Variants in BEGAIN observed in about 807,000 individuals in gnomAD.
BEGAIN encodes the protein brain enriched guanylate kinase associated, also known as brain-enriched guanylate kinase-associated protein.
In BEGAIN, 19 loss-of-function variants were observed where a neutral mutation model predicts 35.8. That is an observed-to-expected ratio of 0.53 (90% CI 0.37 to 0.78). BEGAIN has a LOEUF of 0.78. BEGAIN is among the 30% of genes least tolerant of loss of function. BEGAIN has a pLI of 0.00. For missense variants in BEGAIN, 795 were observed against 853.6 expected, an observed-to-expected ratio of 0.93 and a Z score of 0.85; for synonymous variants, 462 against 388.6, an observed-to-expected ratio of 1.19 and a Z score of -2.22.
At chr14:100,553,006 AG>A (rs1264092047) in intron 2 of BEGAIN, among the ~76,000 whole-genome samples, 1 of 152,186 alleles carries the variant, frequency 6.6e-6, no homozygotes, top group Non-Finnish European at 1.5e-5. Context: ...AGATGACTCC[AG>A]GAGGCCTGGA....
Position 100,537,837 on chromosome 14 carries a change from G to T in BEGAIN, c.*132C>A. 1 of 1,337,984 alleles carries T rather than the reference G, an allele frequency of 7.5e-7. No individual in the cohort carries two copies. The highest frequency in any genetic ancestry group is 9.9e-7 in the Non-Finnish European group (1 of 1,014,698). The allele number at this position is 1,337,984 out of a possible 1,614,324, so 82.9% of individuals were successfully genotyped here. A position where few individuals can be genotyped will look rare whatever the true frequency, so the allele number is the denominator to read the frequency against. ...TACAGGGCTGGGGAGGAGAGGAGGT[G>T]CGGGGAGGAACAGACTCCTCGTTGT... On this transcript the variant is annotated 3_prime_UTR_variant, in exon 7 of 7. Coordinates refer to ENST00000554140, the MANE Select transcript of BEGAIN (RefSeq NM_001385089.1).
At chr14:100,564,212 G>T (rs2034511477) in intron 2 of BEGAIN, among the ~76,000 whole-genome samples, 1 of 151,998 alleles carries the variant, frequency 6.6e-6, no homozygotes, top group African/African-American at 2.4e-5. Flanking sequence ...TCGCCAGGTG[G>T]TCGTTCTAAA....
At chr14:100,554,394 C>T (rs891481524) in intron 2 of BEGAIN, among the ~76,000 whole-genome samples, 12 of 152,308 alleles carry the variant, frequency 7.9e-5, no homozygotes, top group Admixed American at 3.3e-4. Context: ...CTTCCCTCTT[C>T]GGTCGTGGCT....
chr14:100,553,454 A>G (rs541884771), intron 2 of BEGAIN, among the ~76,000 whole-genome samples: 2 of 152,230 alleles, frequency 1.3e-5, no homozygotes, highest in African/African-American at 4.8e-5. Flanking sequence ...GAAAAATGAC[A>G]GGACATTTTG....
chr14:100,542,456 C>T (rs535267490), intron 5 of BEGAIN, among the ~76,000 whole-genome samples: 12 of 152,332 alleles, frequency 7.9e-5, no homozygotes, highest in East Asian at 3.9e-4. Context: ...GCCGGCATGC[C>T]GGCCTTCACG....
chr14:100,541,969 C>T (rs555546072), intron 5 of BEGAIN, among the ~76,000 whole-genome samples: 10 of 152,312 alleles, frequency 6.6e-5, no homozygotes, highest in South Asian at 4.1e-4. Flanking sequence ...GCTCCGTCTG[C>T]GAGACACCAC....
chr14:100,539,199 G>A lies in BEGAIN; in HGVS notation c.609C>T (p.Ala203=). ...CGGGGTCCGGCTTCTCCAGCACCTT[G>A]GCAATGACGCAGGTGGGGACGCTGT... ...YADSVPTCVI[A]KVLEKPDPAS... is the part of the protein sequence containing the mutation. Residue 203 remains alanine, a synonymous_variant, in exon 7 of 7, where the codon GCC becomes GCT. Transcript: ENST00000554140. 1 of 1,582,664 alleles carries A rather than the reference G, an allele frequency of 6.3e-7. No homozygotes were observed. The highest frequency in any genetic ancestry group is 8.6e-7 in the Non-Finnish European group (1 of 1,163,140).
chr14:100,538,674 C>A lies in BEGAIN; in HGVS notation c.1134G>T (p.Pro378=), dbSNP rs761264640. ...AGCCTGGGGCCACTTCGGCCTCCAG[C>A]GGGGCCGCCACCGCGGCCGTGGCCT... The part of the protein sequence containing the change: ...FAKATAAVAA[P]LEAEVAPGFG... The change falls in exon 7 of 7, where the codon CCG becomes CCT. Residue 378 remains proline (P), a synonymous_variant. Transcript: ENST00000554140. 60 of 1,551,392 alleles carry A rather than the reference C, an allele frequency of 3.9e-5. No individual in the cohort carries two copies. Among genetic ancestry groups the A allele is most frequent in the Middle Eastern group, 3.3e-4 (2 of 5,972 alleles).
chr14:100,549,759 C>G (rs1010904254), intron 2 of BEGAIN: 1 of 152,372 alleles, frequency 6.6e-6, no homozygotes, highest in African/African-American at 2.4e-5. Flanking sequence ...GTGGGGCCAC[C>G]AGGCCACTGG....
In BEGAIN at chr14:100,540,410, A is replaced by T; in HGVS notation, c.492+86T>A. ...TCAGCTGGCATCTTCCTCCTCAAAG[A>T]TGGGAAATGGCTTTGGGGTAGCACT... On this transcript the variant is annotated intron_variant, in intron 6 of 6. Transcript: ENST00000554140. 3.9e-6 allele frequency: 4 copies of T among 1,033,344 alleles called. No individual in the cohort carries two copies. The South Asian group carries it at 5.5e-5, about 14-fold the overall frequency. 64.0% of individuals were successfully genotyped at this position (1,033,344 alleles called of 1,614,324 possible).
chr14:100,584,862 T>C (rs1456393101), intron 1 of BEGAIN, among the ~76,000 whole-genome samples: 3 of 152,018 alleles, frequency 2.0e-5, no homozygotes, highest in Non-Finnish European at 4.4e-5. Context: ...AAGAGAACCA[T>C]GCGGGGTGAT....
chr14:100,576,967 G>A (rs541156059), intron 1 of BEGAIN, among the ~76,000 whole-genome samples: 1 of 152,302 alleles, frequency 6.6e-6, no homozygotes, highest in African/African-American at 2.4e-5. Flanking sequence ...TGCCTGACAG[G>A]CCTATGGGAC....
At chr14:100,581,361 C>T (rs1426790212) in intron 1 of BEGAIN, among the ~76,000 whole-genome samples, 17 of 152,286 alleles carry the variant, frequency 1.1e-4, no homozygotes, top group Admixed American at 5.9e-4. Flanking sequence ...GGCTCTCAGG[C>T]GCCTGGGCCT....
At chr14:100,565,901 C>G (rs1024898045) in intron 2 of BEGAIN, among the ~76,000 whole-genome samples, 1 of 152,248 alleles carries the variant, frequency 6.6e-6, no homozygotes, top group Admixed American at 6.5e-5. Flanking sequence ...GACCCCAAAC[C>G]CTGTGCCCTT....
Position 100,539,189 on chromosome 14 carries a change from C to G in BEGAIN, c.619G>C (p.Glu207Gln). The G allele has an allele frequency of 6.3e-7, 1 of 1,581,450 alleles. No individual in the cohort carries two copies. The highest frequency in any genetic ancestry group is 1.2e-5 in the South Asian group (1 of 86,280). ...VPTCVIAKVL[E>Q]KPDPASLSSR... ...GACAGGCTGGCGGGGTCCGGCTTCT[C>G]CAGCACCTTGGCAATGACGCAGGTG... Residue 207 changes from glutamate (E) to glutamine (Q), a missense_variant, in exon 7 of 7, where the codon GAG becomes CAG. By Grantham distance (29) the Glu-to-Gln change is conservative. This residue lies in a region of BEGAIN where 664 missense variants were observed against 647.7 expected (regional missense o/e 1.03). Transcript: ENST00000554140.
rs2034414128 is a variant in BEGAIN at position 100,563,089 on chromosome 14, T to TC, written c.71+4821dup. 6.6e-6 allele frequency among the ~76,000 whole-genome samples: 1 copy of TC among 152,190 alleles called. No individual in the cohort carries two copies. Among genetic ancestry groups the TC allele is most frequent in the South Asian group, 2.1e-4 (1 of 4,834 alleles). ...TCAGGACCTTCGAGGCCACCTGCTC[T>TC]CCATCTGTCTCCATCCCTGGGACAT... On this transcript the variant is annotated intron_variant, in intron 2 of 6. Transcript: ENST00000554140. The surrounding 1 kb of genome is among the most constrained non-coding windows in gnomAD (Gnocchi z 4.2).
At position 100,539,244 on chromosome 14, in the gene BEGAIN, G is replaced by A; in HGVS notation, c.564C>T (p.Leu188=). 6.3e-7 allele frequency: 1 copy of A among 1,588,956 alleles called. No homozygotes were observed. The highest frequency in any genetic ancestry group is 2.2e-5 in the East Asian group (1 of 44,606). Residue 188 remains leucine (L), a synonymous_variant, in exon 7 of 7, where the codon CTC becomes CTT. Transcript: ENST00000554140. ...EKHGCSLPSP[L]CHPAYADSVP... is the part of the protein sequence containing the mutation. ...CGCTGTCGGCGTAGGCCGGGTGGCA[G>A]AGCGGGGATGGCAGGCTGCAGCCGT...
chr14:100,540,460 C>G, intron 6 of BEGAIN, 36 bp downstream of exon 6: 1 of 1,517,474 alleles, frequency 6.6e-7, no homozygotes, highest in South Asian at 1.2e-5. Context: ...CCGGTGGTCC[C>G]GGGGCGGGGT....
chr14:100,568,416 C>T lies in BEGAIN; in HGVS notation c.43-477G>A. The T allele has an allele frequency of 7.8e-7, 1 of 1,274,254 alleles. No homozygotes were observed. Among genetic ancestry groups the T allele is most frequent in the Non-Finnish European group, 1.0e-6 (1 of 979,114 alleles). 78.9% of individuals were successfully genotyped at this position (1,274,254 alleles called of 1,614,324 possible). On this transcript the variant is annotated intron_variant, in intron 1 of 6. Coordinates refer to ENST00000554140, the MANE Select transcript of BEGAIN (RefSeq NM_001385089.1). This position sits in a 1 kb window ranked among gnomAD's most constrained non-coding sequence, Gnocchi z 7.5. ...CGGAGAATGTTGGGGAATTCGGGGC[C>T]GTGCAGGATTGCAGAACCTGACACT...
Sources: allele counts gnomAD v4.1 joint callset (sites outside exome capture counted in the v4.1 genomes callset), GRCh38; gene constraint gnomAD v4.1.1; regional missense constraint gnomAD v4.1.1; non-coding constraint Gnocchi (gnomAD v3.1); transcripts MANE v1.5; gene names NCBI Gene and HGNC (gene_info 2026-07-23, HGNC 2026-07-21).